ZFTRAF1: variants seen among roughly 807,000 people sequenced by gnomAD.
ZFTRAF1 encodes the protein zinc finger TRAF-type and ring finger containing 1, also known as zinc finger TRAF-type-containing protein 1.
chr8:144,460,711 C>T, the ZFTRAF1 span, among the ~76,000 whole-genome samples: 304 of 152,338 alleles, frequency 2.0e-3, no homozygotes, highest in Admixed American at 3.9e-3. Flanking sequence ...GGCGAAACCC[C>T]GTCTCTACTA....
At chr8:144,462,250 C>A in the ZFTRAF1 span, 3 of 522,536 alleles carry the variant, frequency 5.7e-6, no homozygotes, top group Non-Finnish European at 1.0e-5. Flanking sequence ...CAGCCCCGGG[C>A]TGGGCCGGGT....
chr8:144,453,657 T>C, the ZFTRAF1 span: 1 of 588,264 alleles, frequency 1.7e-6, no homozygotes, highest in African/African-American at 1.9e-5. Flanking sequence ...AGAGCCAGCT[T>C]GGGTTCTTGC....
chr8:144,452,564 G>A, the ZFTRAF1 span: 4 of 1,536,814 alleles, frequency 2.6e-6, no homozygotes, highest in Admixed American at 7.8e-5. Flanking sequence ...ACTTGCACTG[G>A]GTTACCCTGG....
chr8:144,462,398 G>A, the ZFTRAF1 span: 4 of 411,716 alleles, frequency 9.7e-6, no homozygotes, highest in South Asian at 5.1e-5. Context: ...CGCCTCGGCC[G>A]CCTCGGCTGC....
At chr8:144,460,287 C>T in the ZFTRAF1 span, among the ~76,000 whole-genome samples, 1 of 152,264 alleles carries the variant, frequency 6.6e-6, no homozygotes, top group East Asian at 1.9e-4. Context: ...TACACCTGTT[C>T]AGCTCCCTGC....
chr8:144,462,561 G>GCCCGGCTCCGACCCCGAC, the ZFTRAF1 span: 1 of 142,126 alleles, frequency 7.0e-6, no homozygotes, highest in South Asian at 1.9e-4. Context: ...GCCGCCCCGG[G>GCCCGGCTCCGACCCCGAC]CCCGGCTCCG....
At chr8:144,462,667 GC>G in the ZFTRAF1 span, 1 of 144,372 alleles carries the variant, frequency 6.9e-6, no homozygotes, top group Non-Finnish European at 1.5e-5. Context: ...CGGCCGGCCG[GC>G]CCGGCGGGCG....
chr8:144,455,072 T>C, the ZFTRAF1 span: 4 of 152,242 alleles, frequency 2.6e-5, no homozygotes, highest in Non-Finnish European at 5.9e-5. Flanking sequence ...CCCAGCACTT[T>C]GGAAGGCCGA....
the ZFTRAF1 span, among the ~76,000 whole-genome samples, chr8:144,460,811 G>T: frequency 6.6e-6 from 1 of 152,218 alleles, no homozygotes; most frequent in African/African-American, 2.4e-5. Flanking sequence ...TTGAACTCGG[G>T]AGGCGGAGGT....
At chr8:144,461,330 G>A in the ZFTRAF1 span, among the ~76,000 whole-genome samples, 2 of 152,222 alleles carry the variant, frequency 1.3e-5, no homozygotes, top group South Asian at 2.1e-4. Flanking sequence ...TTCTCACAGG[G>A]ACTGGGGAGT....
chr8:144,455,481 G>A, the ZFTRAF1 span: 1 of 152,204 alleles, frequency 6.6e-6, no homozygotes, highest in African/African-American at 2.4e-5. Flanking sequence ...ACAGGCAGGA[G>A]GGGGCACAGA....
the ZFTRAF1 span, chr8:144,450,411 G>A: frequency 4.2e-6 from 3 of 717,648 alleles, no homozygotes; most frequent in South Asian, 1.5e-5. Context: ...AAGAGCCGCA[G>A]GTTGATGTTC....
the ZFTRAF1 span, chr8:144,450,915 A>C: frequency 1.7e-6 from 1 of 596,746 alleles, no homozygotes; most frequent in African/African-American, 1.9e-5. Context: ...TGTCACAAGC[A>C]AGCCAAACGC....
chr8:144,450,829 C>T, the ZFTRAF1 span: 1 of 641,044 alleles, frequency 1.6e-6, no homozygotes, highest in Admixed American at 2.4e-5. Context: ...GGCTGGGCAG[C>T]AACGCCTTCC....
the ZFTRAF1 span, chr8:144,462,699 A>C: frequency 7.4e-6 from 1 of 135,464 alleles, no homozygotes; most frequent in Non-Finnish European, 1.6e-5. Context: ...CGCTCCCCCG[A>C]CTAGAAGTTA....
the ZFTRAF1 span, chr8:144,455,435 C>T: frequency 0.35 from 52,460 of 152,014 alleles, 9,177 homozygotes; most frequent in Middle Eastern, 0.48. Flanking sequence ...TGTGAAAATC[C>T]GCCAGCCAAG....
the ZFTRAF1 span, chr8:144,452,009 A>C: frequency 2.8e-6 from 1 of 362,090 alleles, no homozygotes. Context: ...AGGCCCCCTG[A>C]GACCTGCCCA....
chr8:144,458,613 C>G, the ZFTRAF1 span, among the ~76,000 whole-genome samples: 1 of 152,130 alleles, frequency 6.6e-6, no homozygotes, highest in Non-Finnish European at 1.5e-5. Context: ...GGGCTGTTAT[C>G]AATGGACTGT....
the ZFTRAF1 span, among the ~76,000 whole-genome samples, chr8:144,461,807 G>A: frequency 3.3e-5 from 5 of 152,162 alleles, no homozygotes; most frequent in African/African-American, 7.2e-5. Context: ...GGATGTTCAG[G>A]AGTGGAGGGA....
Sources: allele counts gnomAD v4.1 joint callset (sites outside exome capture counted in the v4.1 genomes callset), GRCh38; gene constraint gnomAD v4.1.1; transcripts MANE v1.5; gene names NCBI Gene and HGNC (gene_info 2026-07-23, HGNC 2026-07-21).